TTC23: variants seen among roughly 807,000 people sequenced by gnomAD.
TTC23 encodes the protein tetratricopeptide repeat protein 23.
TTC23 carries 58 observed loss-of-function variants against 55.1 expected under a neutral mutation model. The ratio of observed to expected loss-of-function variants is 1.05; its 90% CI spans 0.85 to 1.31. TTC23 has a LOEUF of 1.31. Ranked by LOEUF, TTC23 falls within the 50% of genes most tolerant of loss-of-function variation. The pLI, the probability that TTC23 is intolerant of heterozygous loss-of-function variation, is 0.00. For synonymous variants in TTC23, 203 were observed against 199.9 expected (o/e 1.02, Z -0.13); for missense variants, 516 against 534.4 (o/e 0.97, Z 0.34).
chr15:99,164,063 A>T (rs993718315), intron 10 of TTC23, among the ~76,000 whole-genome samples: 2 of 152,184 alleles, frequency 1.3e-5, no homozygotes, highest in Non-Finnish European at 2.9e-5. Context: ...AAATAAGCAT[A>T]TATGTAGTCT....
At chr15:99,141,417 A>T (rs985421101) in intron 12 of TTC23, among the ~76,000 whole-genome samples, 8 of 152,194 alleles carry the variant, frequency 5.3e-5, no homozygotes, top group African/African-American at 1.9e-4. Context: ...TATCAAATTT[A>T]AAAAAGTAGT....
chr15:99,245,908 C>CA (rs2080203045), intron 1 of TTC23, among the ~76,000 whole-genome samples: 1 of 150,080 alleles, frequency 6.7e-6, no homozygotes, highest in South Asian at 2.1e-4. Flanking sequence ...AGGTTCAAGA[C>CA]ATTCTCCTGA....
intron 4 of TTC23, among the ~76,000 whole-genome samples, chr15:99,233,013 G>T (rs535063616): frequency 6.6e-6 from 1 of 152,194 alleles, no homozygotes; most frequent in African/African-American, 2.4e-5. Flanking sequence ...AAAATACTAT[G>T]TTAAGTGAAA....
chr15:99,219,920 A>T lies in TTC23; in HGVS notation c.305-872T>A, dbSNP rs368797563. ...TATGTCTATAAAACAGGAAGAATAT[A>T]TTTTCTAATGGAGAAAATCAAGGGT... On this transcript the variant is annotated intron_variant, in intron 6 of 13. Transcript: ENST00000394132. Among the ~76,000 whole-genome samples, 6 of 152,368 alleles carry T rather than the reference A, an allele frequency of 3.9e-5. No individual in the cohort carries two copies. In the South Asian group the frequency reaches 1.0e-3, roughly 26 times the overall value.
intron 10 of TTC23, among the ~76,000 whole-genome samples, chr15:99,162,671 C>T (rs955707852): frequency 2.6e-5 from 4 of 152,132 alleles, no homozygotes; most frequent in Non-Finnish European, 2.9e-5. Flanking sequence ...TAAGGTGACC[C>T]GTGGCCCTTG....
At chr15:99,184,129 C>T (rs1457164744) in intron 9 of TTC23, among the ~76,000 whole-genome samples, 1 of 152,188 alleles carries the variant, frequency 6.6e-6, no homozygotes, top group Non-Finnish European at 1.5e-5. Context: ...GATGGAAATG[C>T]CTGGGTGTCC....
At chr15:99,200,168 A>C in intron 8 of TTC23, 72 bp from the exon 9 acceptor site, 1 of 1,342,248 alleles carries the variant, frequency 7.5e-7, no homozygotes, top group Non-Finnish European at 9.8e-7. Flanking sequence ...GTGAGCTGGT[A>C]GTTGGGATGT....
chr15:99,147,791 C>T (rs965575360), intron 12 of TTC23, among the ~76,000 whole-genome samples: 5 of 151,878 alleles, frequency 3.3e-5, no homozygotes, highest in Non-Finnish European at 5.9e-5. Context: ...ACAAATGAGG[C>T]TCTACACATG....
At chr15:99,206,441 G>A (rs542041067) in intron 8 of TTC23, among the ~76,000 whole-genome samples, 81 of 152,124 alleles carry the variant, frequency 5.3e-4, no homozygotes, top group African/African-American at 1.9e-3. Context: ...TCAGATCTTG[G>A]GCTTTTCTTT....
chr15:99,147,124 A>C (rs2068983438), intron 12 of TTC23, among the ~76,000 whole-genome samples: 1 of 150,040 alleles, frequency 6.7e-6, no homozygotes, highest in Non-Finnish European at 1.5e-5. Context: ...CATGTTGGCC[A>C]GTCTAGTCCT....
chr15:99,165,943 T>A lies in TTC23; in HGVS notation c.866-4076A>T, dbSNP rs570481234. Among the ~76,000 whole-genome samples, 4 of 152,316 alleles carry A rather than the reference T, an allele frequency of 2.6e-5. No homozygotes were observed. In the South Asian group the frequency reaches 8.3e-4, roughly 32 times the overall value. On this transcript the variant is annotated intron_variant, in intron 10 of 13. Transcript: ENST00000394132. Reference sequence around the variant, plus strand: ...TCGTTATTTTAATTTTCTGGCTGATTGGGAGTCAACTGAAGAACGTAGCTG... The same window carrying A: ...TCGTTATTTTAATTTTCTGGCTGATAGGGAGTCAACTGAAGAACGTAGCTG...
intron 2 of TTC23, among the ~76,000 whole-genome samples, chr15:99,244,034 T>C (rs2080028217): frequency 6.6e-6 from 1 of 152,226 alleles, no homozygotes; most frequent in South Asian, 2.1e-4. Flanking sequence ...GATACCCACT[T>C]ACTCTGATGT....
At chr15:99,233,171 G>T (rs866509603) in intron 4 of TTC23, among the ~76,000 whole-genome samples, 1 of 152,206 alleles carries the variant, frequency 6.6e-6, no homozygotes, top group Non-Finnish European at 1.5e-5. Flanking sequence ...GTATAACATG[G>T]TGACTACTGT....
chr15:99,182,566 ATATAT>A (rs2074256273), intron 9 of TTC23, among the ~76,000 whole-genome samples: 1 of 152,054 alleles, frequency 6.6e-6, no homozygotes, highest in African/African-American at 2.4e-5. Flanking sequence ...TGACTTTATG[ATATAT>A]TATCACAGAG....
At chr15:99,141,751 T>A (rs1028904017) in intron 12 of TTC23, among the ~76,000 whole-genome samples, 3 of 152,168 alleles carry the variant, frequency 2.0e-5, no homozygotes, top group African/African-American at 7.2e-5. Flanking sequence ...CTATAAAAAC[T>A]GAATGTTTCA....
chr15:99,201,028 C>T (rs77234731), intron 8 of TTC23, among the ~76,000 whole-genome samples: 3 of 152,218 alleles, frequency 2.0e-5, no homozygotes, highest in African/African-American at 7.2e-5. Flanking sequence ...TTTGCATGTA[C>T]ACATATGCAC....
chr15:99,183,600 A>G (rs989128516), intron 9 of TTC23, among the ~76,000 whole-genome samples: 1 of 150,744 alleles, frequency 6.6e-6, no homozygotes, highest in African/African-American at 2.4e-5. Context: ...CGGCCTCCCA[A>G]AGTGCTGGGA....
intron 10 of TTC23, among the ~76,000 whole-genome samples, chr15:99,170,378 T>C (rs1460117130): frequency 1.3e-5 from 2 of 152,016 alleles, no homozygotes; most frequent in Non-Finnish European, 2.9e-5. Context: ...AAGGGAGAAA[T>C]TTTTCTCATT....
intron 9 of TTC23, among the ~76,000 whole-genome samples, chr15:99,183,255 C>T (rs2074320835): frequency 6.6e-6 from 1 of 152,078 alleles, no homozygotes; most frequent in African/African-American, 2.4e-5. Flanking sequence ...TGGCCCTACC[C>T]TAGATCTGTG....
Sources: allele counts gnomAD v4.1 joint callset (sites outside exome capture counted in the v4.1 genomes callset), GRCh38; gene constraint gnomAD v4.1.1; transcripts MANE v1.5; gene names NCBI Gene and HGNC (gene_info 2026-07-23, HGNC 2026-07-21).